ZNF766: variants seen among roughly 807,000 people sequenced by gnomAD.
The protein encoded by ZNF766 is zinc finger protein 766.
A neutral mutation model predicts 13.2 loss-of-function variants in ZNF766; 13 were observed. That is an observed-to-expected ratio of 0.98 (90% CI 0.64 to 1.56). The LOEUF (loss-of-function observed/expected upper bound fraction) is 1.56, where lower values mean the gene tolerates loss of function less well. ZNF766 is among the 40% of genes most tolerant of loss of function. The pLI is 0.00. For synonymous variants in ZNF766, 178 were observed against 187.6 expected, an observed-to-expected ratio of 0.95 and a Z score of 0.42; for missense variants, 521 against 552.2, an observed-to-expected ratio of 0.94 and a Z score of 0.57.
intron 1 of ZNF766, among the ~76,000 whole-genome samples, chr19:52,271,732 G>T (rs1258017633): frequency 1.3e-5 from 2 of 152,210 alleles, no homozygotes; most frequent in Non-Finnish European, 2.9e-5. Flanking sequence ...GGCCAAGGCG[G>T]GTGGATCACT....
In ZNF766 at chr19:52,292,956, C is replaced by G. The variant is rs1427106826; in HGVS notation, c.*1758C>G. 6.6e-6 allele frequency: 1 copy of G among 152,064 alleles called. No individual in the cohort carries two copies. Among genetic ancestry groups the G allele is most frequent in the Non-Finnish European group, 1.5e-5 (1 of 68,044 alleles). The allele number at this position is 152,064 out of a possible 1,614,324, so 9.4% of individuals were successfully genotyped here. A position where few individuals can be genotyped will look rare whatever the true frequency, so the allele number is the denominator to read the frequency against. ...CGTTAGATATTTCTCCTAATGTTAT[C>G]CCTCTGCCAGCCCCCCACCCCCCGA... On this transcript the variant is annotated 3_prime_UTR_variant, in exon 4 of 4. Transcript: ENST00000439461.
At chr19:52,273,876 C>T (rs545031003) in intron 1 of ZNF766, among the ~76,000 whole-genome samples, 1 of 152,310 alleles carries the variant, frequency 6.6e-6, no homozygotes, top group South Asian at 2.1e-4. Context: ...AGTGCAGATA[C>T]ACATCTTGTG....
chr19:52,283,490 A>G, intron 3 of ZNF766, 77 bp downstream of exon 3: 1 of 1,460,054 alleles, frequency 6.8e-7, no homozygotes, highest in Non-Finnish European at 9.1e-7. Flanking sequence ...CCCACACTGG[A>G]GTGCATTGGC....
In ZNF766 at chr19:52,293,174, T is replaced by TTTA; in HGVS notation, c.*1978_*1979insATT. On this transcript the variant is annotated 3_prime_UTR_variant, in exon 4 of 4. Coordinates refer to ENST00000439461, the MANE Select transcript of ZNF766 (RefSeq NM_001010851.3). ...CCTTTTTATGGCTGCATAGTATTCC[T>TTTA]TTTTTTTTTTTTTTTTTGAGATGAA... 1 of 73,960 alleles carries TTTA rather than the reference T, an allele frequency of 1.4e-5. No homozygotes were observed. Among genetic ancestry groups the TTTA allele is most frequent in the East Asian group, 4.4e-4 (1 of 2,288 alleles). The allele number at this position is 73,960 out of a possible 1,614,324, so 4.6% of individuals were successfully genotyped here. A position where few individuals can be genotyped will look rare whatever the true frequency, so the allele number is the denominator to read the frequency against.
At position 52,269,649 on chromosome 19, in the gene ZNF766, T is replaced by G. The variant is rs1285191742; in HGVS notation, c.18+18T>G. 1.9e-6 allele frequency: 3 copies of G among 1,612,764 alleles called. No homozygotes were observed. The Middle Eastern group carries it at 5.0e-4, about 266-fold the overall frequency. On this transcript the variant is annotated intron_variant, in intron 1 of 3. Transcript: ENST00000439461. The stretch of plus-strand genomic sequence containing the variant: ...TGCGGCGCGTGAGTTTTCCTTTGTT[T>G]AGATTAAGTGTTCGCTTAGCGGTGC...
intron 1 of ZNF766, among the ~76,000 whole-genome samples, chr19:52,280,928 C>T (rs1011172232): frequency 3.2e-4 from 48 of 150,992 alleles, no homozygotes; most frequent in African/African-American, 1.1e-3. Flanking sequence ...GAGGCCTAGG[C>T]GGGTGGATCA....
rs1300746750 is a variant in ZNF766, at chr19:52,276,729, C to T, written c.19-5382C>T. Among the ~76,000 whole-genome samples the T allele has an allele frequency of 4.6e-5, 7 of 152,276 alleles. No individual in the cohort carries two copies. In the South Asian group the frequency reaches 1.0e-3, roughly 23 times the overall value. ...GTTTCATTCACTCAGGGTTTTGCAA[C>T]GTATCCCCTTGGATAAAGGGATTTT... On this transcript the variant is annotated intron_variant, in intron 1 of 3. Transcript: ENST00000439461.
At chr19:52,276,492 C>A (rs1252470076) in intron 1 of ZNF766, among the ~76,000 whole-genome samples, 2 of 152,066 alleles carry the variant, frequency 1.3e-5, no homozygotes, top group South Asian at 2.1e-4. Context: ...TAATAGTCTT[C>A]TTTTTTGTTT....
intron 3 of ZNF766, among the ~76,000 whole-genome samples, chr19:52,285,810 A>G (rs1981788691): frequency 6.6e-6 from 1 of 152,216 alleles, no homozygotes; most frequent in Non-Finnish European, 1.5e-5. Flanking sequence ...CAGGTGAAAG[A>G]AGAGGAGGAG....
Position 52,291,159 on chromosome 19 carries a change from G to A in ZNF766, c.1368G>A (p.Gln456=). 6.2e-7 allele frequency: 1 copy of A among 1,602,232 alleles called. No homozygotes were observed. The highest frequency in any genetic ancestry group is 8.5e-7 in the Non-Finnish European group (1 of 1,173,780). Residue 456 remains glutamine (Q), a synonymous_variant, in exon 4 of 4, where the codon CAG becomes CAA. Coordinates refer to ENST00000439461, the MANE Select transcript of ZNF766 (RefSeq NM_001010851.3). ...KVFRHSSWFV[Q]HQRSVHERVL... Reference sequence around the variant, plus strand: ...TTAGGCACAGTTCATGGTTTGTACAGCATCAGAGAAGTGTTCATGAGAGAG... The same window carrying A: ...TTAGGCACAGTTCATGGTTTGTACAACATCAGAGAAGTGTTCATGAGAGAG...
rs945815834 is a variant in ZNF766, at chr19:52,289,947, T to G, written c.275-119T>G. 385 of 1,000,002 alleles carry G rather than the reference T, an allele frequency of 3.8e-4. 3 individuals carry two copies. The highest frequency in any genetic ancestry group is 9.5e-4 in the East Asian group (37 of 38,978). The allele number at this position is 1,000,002 out of a possible 1,614,324, so 61.9% of individuals were successfully genotyped here. A position where few individuals can be genotyped will look rare whatever the true frequency, so the allele number is the denominator to read the frequency against. ...ACCTGGGAGGCGGAGCTTGCAGTGA[T>G]CCGAGATCGTGCCACTGCACTCCAG... is the stretch of plus-strand genomic sequence containing the variant. On this transcript the variant is annotated intron_variant, in intron 3 of 3. Transcript: ENST00000439461.
chr19:52,285,042 C>G (rs1020005889), intron 3 of ZNF766: 3 of 152,278 alleles, frequency 2.0e-5, no homozygotes, highest in Non-Finnish European at 4.4e-5. Context: ...TTCTGTGCTT[C>G]TAACCATGGC....
intron 1 of ZNF766, among the ~76,000 whole-genome samples, chr19:52,274,164 T>C (rs1981092112): frequency 1.3e-5 from 2 of 152,214 alleles, no homozygotes; most frequent in African/African-American, 4.8e-5. Flanking sequence ...TTGTCCTGTA[T>C]GTCCCCCTGT....
intron 1 of ZNF766, among the ~76,000 whole-genome samples, chr19:52,276,491 T>C (rs1387007969): frequency 6.6e-6 from 1 of 152,192 alleles, no homozygotes; most frequent in Non-Finnish European, 1.5e-5. Flanking sequence ...TTAATAGTCT[T>C]CTTTTTTGTT....
In ZNF766 at chr19:52,295,467, G is replaced by A. The variant is rs1036502704; in HGVS notation, c.*4269G>A. 3.3e-5 allele frequency: 5 copies of A among 152,090 alleles called. No individual in the cohort carries two copies. Among genetic ancestry groups the A allele is most frequent in the Non-Finnish European group, 7.3e-5 (5 of 68,034 alleles). The allele number at this position is 152,090 out of a possible 1,614,324, so 9.4% of individuals were successfully genotyped here. On this transcript the variant is annotated 3_prime_UTR_variant, in exon 4 of 4. Coordinates refer to ENST00000439461, the MANE Select transcript of ZNF766 (RefSeq NM_001010851.3). Reference sequence around the variant, plus strand: ...CCCAAAGTGTTGGGATTACAGGCATGAGCCACCATGCCCGGCCAGATGCTA... The same window carrying A: ...CCCAAAGTGTTGGGATTACAGGCATAAGCCACCATGCCCGGCCAGATGCTA...
chr19:52,280,270 G>C (rs1981433283), intron 1 of ZNF766, among the ~76,000 whole-genome samples: 1 of 152,154 alleles, frequency 6.6e-6, no homozygotes, highest in Non-Finnish European at 1.5e-5. Context: ...TGAGGAGGGA[G>C]GATCATTTGA....
In ZNF766 at chr19:52,283,420, G is replaced by T; in HGVS notation, c.274+7G>T. On this transcript the variant is annotated splice_region_variant and intron_variant, in intron 3 of 3. Coordinates refer to ENST00000439461, the MANE Select transcript of ZNF766 (RefSeq NM_001010851.3). ...ATCAAAGATATCAACACAGGTAAGA[G>T]CTCAGATGGACAGAGTGAAAGCCAC... 6.3e-7 allele frequency: 1 copy of T among 1,578,398 alleles called. No individual in the cohort carries two copies.
Position 52,292,306 on chromosome 19 carries a change from C to A in ZNF766, c.*1108C>A, listed in dbSNP as rs2122495950. ...GACCATGGAGGTGGACAGAGAATAA[C>A]AAAACCGTGATGGCAGTCATCATGC... On this transcript the variant is annotated 3_prime_UTR_variant, in exon 4 of 4. Coordinates refer to ENST00000439461, the MANE Select transcript of ZNF766 (RefSeq NM_001010851.3). The A allele has an allele frequency of 3.1e-6, 2 of 644,850 alleles. No individual in the cohort carries two copies. The highest frequency in any genetic ancestry group is 3.4e-5 in the South Asian group (2 of 58,120). The allele number at this position is 644,850 out of a possible 1,614,324, so 39.9% of individuals were successfully genotyped here.
In ZNF766 at chr19:52,269,629, C is replaced by A. The variant is rs568946603; in HGVS notation, c.16C>A (p.Arg6Ser). 4.3e-6 allele frequency: 7 copies of A among 1,612,858 alleles called. No homozygotes were observed. In the African/African-American group the frequency reaches 9.3e-5, roughly 21 times the overall value. Residue 6 changes from arginine to serine, a missense_variant and splice_region_variant, in exon 1 of 4, where the codon CGC becomes AGC. Physicochemically the swap from Arg to Ser is moderately radical, Grantham distance 110. Coordinates refer to ENST00000439461, the MANE Select transcript of ZNF766 (RefSeq NM_001010851.3). The stretch of plus-strand genomic sequence containing the variant: ...GCGTGGAGATATGGCGCAACTGCGG[C>A]GCGTGAGTTTTCCTTTGTTTAGATT... MAQLR[R>S]GHLTFRDVAI...
Sources: gnomAD v4.1 joint callset for allele counts (sites outside exome capture counted in the v4.1 genomes callset) on GRCh38, gnomAD v4.1.1 for gene constraint, MANE v1.5 for transcripts, NCBI Gene and HGNC (gene_info 2026-07-23, HGNC 2026-07-21) for gene names.